Variants in GPR158 observed in about 807,000 individuals in gnomAD.
GPR158 encodes G protein-coupled receptor 158.
In GPR158, 30 loss-of-function variants were observed where a neutral mutation model predicts 78.2. The observed-to-expected ratio is 0.38, with a 90% CI of 0.29 to 0.52. The LOEUF (loss-of-function observed/expected upper bound fraction) is 0.52, where lower values mean the gene tolerates loss of function less well. Among genes scored for constraint, GPR158 ranks in the 20% least tolerant of loss-of-function variants. The pLI is 0.83. For synonymous variants in GPR158, 581 were observed against 591.1 expected, an observed-to-expected ratio of 0.98 and a Z score of 0.25; for missense variants, 1,463 against 1,523.5, an observed-to-expected ratio of 0.96 and a Z score of 0.66.
intron 5 of GPR158, among the ~76,000 whole-genome samples, chr10:25,546,218 T>C (rs1380409902): frequency 6.6e-6 from 1 of 152,110 alleles, no homozygotes. Context: ...TGTCTATACT[T>C]GCAAAAAAGT....
At chr10:25,365,550 A>G (rs1295991201) in intron 2 of GPR158, among the ~76,000 whole-genome samples, 1 of 151,666 alleles carries the variant, frequency 6.6e-6, no homozygotes, top group African/African-American at 2.4e-5. Flanking sequence ...TTATATAATC[A>G]CTTTTAATAT....
intron 5 of GPR158, among the ~76,000 whole-genome samples, chr10:25,513,146 C>T (rs1170765473): frequency 6.6e-6 from 1 of 150,646 alleles, no homozygotes; most frequent in East Asian, 1.9e-4. Flanking sequence ...TAGAATTCAG[C>T]TGTGAATTCA....
At chr10:25,248,968 G>C (rs1048835546) in intron 2 of GPR158, among the ~76,000 whole-genome samples, 3 of 150,328 alleles carry the variant, frequency 2.0e-5, no homozygotes, top group Admixed American at 6.6e-5. Flanking sequence ...TCTTCCATTT[G>C]TTTGTATCCT....
At chr10:25,252,001 C>G (rs1053475544) in intron 2 of GPR158, among the ~76,000 whole-genome samples, 2 of 151,652 alleles carry the variant, frequency 1.3e-5, no homozygotes, top group African/African-American at 4.8e-5. Context: ...TTCTTGGAGG[C>G]TTTGCTCATT....
At chr10:25,496,137 C>A (rs1835877669) in intron 5 of GPR158, among the ~76,000 whole-genome samples, 1 of 152,130 alleles carries the variant, frequency 6.6e-6, no homozygotes, top group South Asian at 2.1e-4. Flanking sequence ...TTATTAATGT[C>A]CTCTATTACA....
chr10:25,241,283 T>TC lies in GPR158; in HGVS notation c.1008+20127dup, dbSNP rs1444926908. Reference sequence around the variant, plus strand: ...CCTTTCTTTCTTTCCTTTCTTTCTTTCTTTTCTTTTCTTTTCTTTTCTTTT... The same window carrying TC: ...CCTTTCTTTCTTTCCTTTCTTTCTTTCCTTTTCTTTTCTTTTCTTTTCTTTT... On this transcript the variant is annotated intron_variant, in intron 2 of 10. Coordinates refer to ENST00000376351, the MANE Select transcript of GPR158 (RefSeq NM_020752.3). Among the ~76,000 whole-genome samples the TC allele has an allele frequency of 3.8e-4, 38 of 99,410 alleles. 1 individual carries two copies. Among genetic ancestry groups the TC allele is most frequent in the Middle Eastern group, 4.2e-3 (1 of 240 alleles). The allele number at this position is 99,410 out of a possible 152,430, so 65.2% of individuals were successfully genotyped here. A position where few individuals can be genotyped will look rare whatever the true frequency, so the allele number is the denominator to read the frequency against.
chr10:25,311,430 G>A (rs187606591), intron 2 of GPR158, among the ~76,000 whole-genome samples: 11 of 151,618 alleles, frequency 7.3e-5, no homozygotes, highest in African/African-American at 2.7e-4. Flanking sequence ...ATTTTTTATT[G>A]TAAATGCCTT....
At chr10:25,256,851 A>T (rs1452488734) in intron 2 of GPR158, among the ~76,000 whole-genome samples, 1 of 152,218 alleles carries the variant, frequency 6.6e-6, no homozygotes, top group Non-Finnish European at 1.5e-5. Context: ...TAAAATGGAG[A>T]TCCAAAAAGT....
At chr10:25,246,100 A>T (rs1331660197) in intron 2 of GPR158, among the ~76,000 whole-genome samples, 1 of 152,200 alleles carries the variant, frequency 6.6e-6, no homozygotes, top group Non-Finnish European at 1.5e-5. Context: ...TTTTATAAAG[A>T]TGGTGAATGA....
At chr10:25,499,156 AT>A (rs1450210072) in intron 5 of GPR158, among the ~76,000 whole-genome samples, 3 of 152,114 alleles carry the variant, frequency 2.0e-5, no homozygotes, top group Admixed American at 1.3e-4. Context: ...TTTTCTTTAT[AT>A]TTTTCTAAAA....
intron 5 of GPR158, among the ~76,000 whole-genome samples, chr10:25,503,581 A>T (rs188281590): frequency 1.8e-3 from 276 of 152,288 alleles, no homozygotes; most frequent in Middle Eastern, 3.4e-3. Flanking sequence ...TCAGTATTAC[A>T]GGGAGAATCT....
At chr10:25,522,313 A>C (rs549341730) in intron 5 of GPR158, among the ~76,000 whole-genome samples, 5 of 152,220 alleles carry the variant, frequency 3.3e-5, no homozygotes, top group Admixed American at 3.3e-4. Context: ...TGGCATGGTC[A>C]GGGAATGTAA....
chr10:25,336,049 G>T (rs560584592), intron 2 of GPR158, among the ~76,000 whole-genome samples: 1 of 152,122 alleles, frequency 6.6e-6, no homozygotes, highest in Admixed American at 6.6e-5. Flanking sequence ...AGCTGTCATT[G>T]TTATTATCAA....
intron 5 of GPR158, among the ~76,000 whole-genome samples, chr10:25,471,945 G>C (rs994683130): frequency 1.2e-4 from 19 of 152,104 alleles, no homozygotes; most frequent in Non-Finnish European, 1.5e-4. Flanking sequence ...TTCTTTTGCT[G>C]TGCAGAAGCC....
chr10:25,412,105 C>T, intron 3 of GPR158, 145 bp from the exon 4 acceptor site: 2 of 634,536 alleles, frequency 3.2e-6, no homozygotes, highest in South Asian at 2.0e-5. Context: ...GGAAAAGTAA[C>T]TCCTTCCCCT....
intron 5 of GPR158, among the ~76,000 whole-genome samples, chr10:25,499,739 C>T (rs10828810): frequency 0.31 from 47,390 of 152,126 alleles, 8,375 homozygotes; most frequent in East Asian, 0.48. Flanking sequence ...CAAGGGACCA[C>T]TCTTGTGCAC....
intron 3 of GPR158, among the ~76,000 whole-genome samples, chr10:25,404,041 A>G (rs926397198): frequency 6.6e-6 from 1 of 152,116 alleles, no homozygotes; most frequent in Admixed American, 6.6e-5. Flanking sequence ...ATTATGTAGT[A>G]GTAGTATGAT....
chr10:25,399,023 A>G (rs891713477), intron 3 of GPR158, among the ~76,000 whole-genome samples: 1 of 152,164 alleles, frequency 6.6e-6, no homozygotes, highest in Non-Finnish European at 1.5e-5. Context: ...AGAAATAGTC[A>G]AGACTGAATA....
intron 2 of GPR158, among the ~76,000 whole-genome samples, chr10:25,273,828 C>T (rs1856700): frequency 0.012 from 1,822 of 151,866 alleles, 27 homozygotes; most frequent in South Asian, 0.057. Context: ...TATAGATGCG[C>T]GCCACCACAC....
Sources: gnomAD v4.1 joint callset for allele counts (sites outside exome capture counted in the v4.1 genomes callset) on GRCh38, gnomAD v4.1.1 for gene constraint, MANE v1.5 for transcripts, NCBI Gene and HGNC (gene_info 2026-07-23, HGNC 2026-07-21) for gene names.